The following PCDH7 variants were observed in gnomAD, a reference collection of about 807,000 sequenced individuals.
PCDH7 encodes the protein protocadherin 7, also known as protocadherin-7.
PCDH7 carries 17 observed loss-of-function variants against 58.9 expected under a neutral mutation model. That is an observed-to-expected ratio of 0.29 (90% confidence interval 0.20 to 0.43). PCDH7 has a LOEUF of 0.43. Among genes scored for constraint, PCDH7 ranks in the 20% least tolerant of loss-of-function variants. The pLI, the probability that PCDH7 is intolerant of heterozygous loss-of-function variation, is 1.00. For missense variants in PCDH7, 1,274 were observed against 1,441.0 expected (o/e 0.88, Z 1.88); for synonymous variants, 664 against 616.4 (o/e 1.08, Z -1.14).
chr4:31,078,484 CTTTTTTT>C (rs999880241), intron 3 of PCDH7, among the ~76,000 whole-genome samples: 21 of 142,926 alleles, frequency 1.5e-4, no homozygotes, highest in South Asian at 8.8e-4. Context: ...TTTCTTTTTT[CTTTTTTT>C]TTTTTTTGGT....
chr4:30,956,037 ACAAAAAAAAAAAG>A (rs1388145537), intron 3 of PCDH7, among the ~76,000 whole-genome samples: 1 of 146,850 alleles, frequency 6.8e-6, no homozygotes, highest in Non-Finnish European at 1.5e-5. Context: ...ACAAAAACAA[ACAAAAAAAAAAAG>A]CAAAAAAAAA....
downstream of PCDH7, among the ~76,000 whole-genome samples, chr4:30,736,117 A>T (rs563098948): frequency 6.6e-6 from 1 of 152,316 alleles, no homozygotes; most frequent in East Asian, 1.9e-4. Flanking sequence ...CACTTTTGAC[A>T]CATTATTGCC....
intron 1 of PCDH7, among the ~76,000 whole-genome samples, chr4:30,740,507 G>T (rs1206741381): frequency 1.3e-5 from 2 of 151,720 alleles, no homozygotes; most frequent in African/African-American, 2.4e-5. Flanking sequence ...TATATAGTTT[G>T]TTATTTATAT....
intron 2 of PCDH7, among the ~76,000 whole-genome samples, chr4:30,948,468 G>A (rs568240804): frequency 1.1e-3 from 162 of 151,990 alleles, no homozygotes; most frequent in Non-Finnish European, 1.8e-3. Context: ...CAAAAAATTA[G>A]GTTTAATTTT....
At chr4:30,977,468 T>G (rs1458736719) in intron 3 of PCDH7, among the ~76,000 whole-genome samples, 1 of 152,154 alleles carries the variant, frequency 6.6e-6, no homozygotes, top group Non-Finnish European at 1.5e-5. Context: ...ATGGAAGACT[T>G]TCTTCTGGAG....
intron 3 of PCDH7, among the ~76,000 whole-genome samples, chr4:31,085,044 G>A (rs1248320742): frequency 6.6e-6 from 1 of 152,134 alleles, no homozygotes; most frequent in African/African-American, 2.4e-5. Flanking sequence ...TTCACGCAGA[G>A]CCAGCTGTGC....
chr4:30,952,198 A>T (rs377765414), intron 3 of PCDH7, among the ~76,000 whole-genome samples: 58 of 152,276 alleles, frequency 3.8e-4, no homozygotes, highest in African/African-American at 1.3e-3. Flanking sequence ...TTTCATCCCC[A>T]GAAAAGGAAA....
chr4:30,895,705 A>T (rs1436514756), intron 1 of PCDH7, among the ~76,000 whole-genome samples: 1 of 152,086 alleles, frequency 6.6e-6, no homozygotes, highest in Non-Finnish European at 1.5e-5. Flanking sequence ...CCCTCCCCCA[A>T]ATACAGGAAC....
chr4:30,724,483 G>T, exon 1 of PCDH7: 3 of 1,613,998 alleles, frequency 1.9e-6, no homozygotes, highest in Non-Finnish European at 1.7e-6. Flanking sequence ...ACACCAGGCC[G>T]TACAAGATCT....
Position 30,881,756 on chromosome 4 carries a change from G to C in PCDH7, c.71-38397G>C, listed in dbSNP as rs180731515. ...CGAAAATGGAAATCTTCCTTTATGT[G>C]ACTTGCAGGTTCCACCTTCACATTT... is the stretch of plus-strand genomic sequence containing the variant. On this transcript the variant is annotated intron_variant, in intron 1 of 3. Transcript: ENST00000509759. Among the ~76,000 whole-genome samples, 9 of 152,222 alleles carry C rather than the reference G, an allele frequency of 5.9e-5. No homozygotes were observed. In the East Asian group the frequency reaches 1.7e-3, roughly 29 times the overall value.
chr4:30,798,386 T>C (rs928026955), intron 1 of PCDH7, among the ~76,000 whole-genome samples: 3 of 152,178 alleles, frequency 2.0e-5, no homozygotes, highest in African/African-American at 7.2e-5. Context: ...AAAACCCTTG[T>C]GACATTCATG....
rs561727875 is a variant in PCDH7, at chr4:30,972,177, T to C, written c.*7+21962T>C. ...ATTCCCTCTTTAATTGTCAGAATTA[T>C]TATTATGGAAATGATGAGTGCTCCA... On this transcript the variant is annotated intron_variant, in intron 3 of 3. Coordinates refer to the PCDH7 transcript ENST00000509759. 1.9e-4 allele frequency among the ~76,000 whole-genome samples: 29 copies of C among 152,324 alleles called. No homozygotes were observed. In the South Asian group the frequency reaches 5.8e-3, roughly 30 times the overall value.
chr4:30,804,364 C>T (rs1211843265), intron 1 of PCDH7, among the ~76,000 whole-genome samples: 1 of 151,944 alleles, frequency 6.6e-6, no homozygotes, highest in African/African-American at 2.4e-5. Context: ...TATGGTGAAA[C>T]CCAGTCTCTA....
intron 1 of PCDH7, among the ~76,000 whole-genome samples, chr4:30,729,167 G>A (rs1051050075): frequency 6.6e-6 from 1 of 151,828 alleles, no homozygotes; most frequent in Non-Finnish European, 1.5e-5. Flanking sequence ...ATGTGGACTA[G>A]AGTCCAAGTT....
At chr4:31,096,431 T>A (rs1713994237) in intron 3 of PCDH7, among the ~76,000 whole-genome samples, 1 of 152,162 alleles carries the variant, frequency 6.6e-6, no homozygotes, top group South Asian at 2.1e-4. Flanking sequence ...AAGAAGAACC[T>A]TCTTTTCACC....
intron 3 of PCDH7, among the ~76,000 whole-genome samples, chr4:31,080,391 G>A (rs1759401093): frequency 6.6e-6 from 1 of 151,764 alleles, no homozygotes; most frequent in Non-Finnish European, 1.5e-5. Flanking sequence ...AGAATTTCTT[G>A]ATTACCTAAA....
At chr4:30,807,181 C>A (rs891996681) in intron 1 of PCDH7, among the ~76,000 whole-genome samples, 1 of 152,122 alleles carries the variant, frequency 6.6e-6, no homozygotes, top group African/African-American at 2.4e-5. Context: ...ACCAAAATAA[C>A]CTGAACATTG....
intron 3 of PCDH7, among the ~76,000 whole-genome samples, chr4:31,105,999 T>C (rs1041279450): frequency 1.4e-5 from 2 of 143,538 alleles, no homozygotes; most frequent in Admixed American, 1.4e-4. Context: ...AGAGCAAGAT[T>C]ATGTCTCAAA....
In PCDH7 at chr4:30,994,448, G is replaced by A. The variant is rs184525115; in HGVS notation, c.*7+44233G>A. 2.2e-4 allele frequency among the ~76,000 whole-genome samples: 33 copies of A among 152,202 alleles called. No individual in the cohort carries two copies. The East Asian group carries it at 3.7e-3, about 17-fold the overall frequency. ...AAAAAAGCAAATTCATTTTATCTTC[G>A]TTCTGTACCACAAAAATCAGAGTCC... On this transcript the variant is annotated intron_variant, in intron 3 of 3. Transcript: ENST00000509759.
Sources: allele counts gnomAD v4.1 joint callset (sites outside exome capture counted in the v4.1 genomes callset), GRCh38; gene constraint gnomAD v4.1.1; transcripts MANE v1.5; gene names NCBI Gene and HGNC (gene_info 2026-07-23, HGNC 2026-07-21).